THSD7A: variants seen among roughly 807,000 people sequenced by gnomAD.
THSD7A encodes thrombospondin type-1 domain-containing protein 7A.
A neutral mutation model predicts 231.3 loss-of-function variants in THSD7A; 96 were observed. That is an observed-to-expected ratio of 0.41 (90% CI 0.35 to 0.49). The LOEUF (loss-of-function observed/expected upper bound fraction) is 0.49, where lower values mean the gene tolerates loss of function less well. Ranked by LOEUF, THSD7A falls within the 20% of genes least tolerant of loss-of-function variation. THSD7A has a pLI of 0.05. For missense variants in THSD7A, 2,290 were observed against 2,070.2 expected, an observed-to-expected ratio of 1.11 and a Z score of -2.06; for synonymous variants, 940 against 743.3, an observed-to-expected ratio of 1.26 and a Z score of -4.30.
At chr7:11,762,820 G>A (rs1000760994) in intron 1 of THSD7A, among the ~76,000 whole-genome samples, 3 of 151,678 alleles carry the variant, frequency 2.0e-5, no homozygotes, top group East Asian at 1.9e-4. Flanking sequence ...ACAAACAAAC[G>A]GAAAAACATT....
chr7:11,498,648 C>A (rs1429027318), intron 6 of THSD7A, among the ~76,000 whole-genome samples: 1 of 152,086 alleles, frequency 6.6e-6, no homozygotes, highest in East Asian at 1.9e-4. Flanking sequence ...CTTTTTAAAG[C>A]AGGTCCTCAT....
chr7:11,800,120 A>G (rs571675564), intron 1 of THSD7A, among the ~76,000 whole-genome samples: 1 of 152,288 alleles, frequency 6.6e-6, no homozygotes, highest in South Asian at 2.1e-4. Context: ...GGAGTCGAGC[A>G]CTTGAGACCA....
At chr7:11,599,240 C>T (rs554152948) in intron 2 of THSD7A, among the ~76,000 whole-genome samples, 1 of 152,220 alleles carries the variant, frequency 6.6e-6, no homozygotes, top group South Asian at 2.1e-4. Flanking sequence ...CAAATCCAGG[C>T]AGGACTACAA....
chr7:11,533,378 G>A lies in THSD7A; in HGVS notation c.1822+8041C>T, dbSNP rs139437745. On this transcript the variant is annotated intron_variant, in intron 6 of 27. Transcript: ENST00000423059. The stretch of plus-strand genomic sequence containing the variant: ...AGTGGACTAGGAAACGATTCCCAGA[G>A]AACAAAAGTAGAGCCTAATCAAGGA... 6.0e-3 allele frequency among the ~76,000 whole-genome samples: 907 copies of A among 152,234 alleles called. 12 individuals are homozygous for A. The highest frequency in any genetic ancestry group is 0.021 in the African/African-American group (866 of 41,546).
intron 1 of THSD7A, among the ~76,000 whole-genome samples, chr7:11,658,776 G>T (rs987818270): frequency 6.6e-6 from 1 of 151,676 alleles, no homozygotes; most frequent in Non-Finnish European, 1.5e-5. Context: ...TAAAGCAGAG[G>T]CTACTAGTGT....
intron 24 of THSD7A, 91 bp from the exon 25 acceptor site, chr7:11,379,803 C>T (rs1316782307): frequency 7.3e-7 from 1 of 1,364,758 alleles, no homozygotes; most frequent in African/African-American, 1.4e-5. Context: ...GAATCTTGAA[C>T]CACCTTGGGA....
intron 4 of THSD7A, among the ~76,000 whole-genome samples, chr7:11,565,011 G>A (rs1790245902): frequency 6.6e-6 from 1 of 152,110 alleles, no homozygotes; most frequent in Non-Finnish European, 1.5e-5. Context: ...TGTACCATCT[G>A]TTGCAACACT....
rs201800881 is a variant in THSD7A, at chr7:11,423,019, G to GA, written c.3383+1676dup. ...TTAAGGTAATATTTTTTATTTTGAA[G>GA]AAAAAAAATAATTTGAAAGGAGAAT... On this transcript the variant is annotated intron_variant, in intron 16 of 27. Transcript: ENST00000423059. Among the ~76,000 whole-genome samples the GA allele has an allele frequency of 9.8e-4, 149 of 151,566 alleles. 4 individuals are homozygous for GA. The East Asian group carries it at 0.02, about 20-fold the overall frequency.
At chr7:11,400,769 G>C (rs577752781) in intron 23 of THSD7A, among the ~76,000 whole-genome samples, 74 of 152,234 alleles carry the variant, frequency 4.9e-4, no homozygotes, top group African/African-American at 1.7e-3. Flanking sequence ...AACACTTTAA[G>C]CTTTTGTCTC....
intron 23 of THSD7A, among the ~76,000 whole-genome samples, chr7:11,391,331 C>G (rs558919249): frequency 1.3e-4 from 20 of 152,342 alleles, no homozygotes; most frequent in African/African-American, 4.8e-4. Flanking sequence ...GGTCTGGCCA[C>G]AGCAGACTTG....
At chr7:11,657,087 T>C (rs1449721135) in intron 1 of THSD7A, among the ~76,000 whole-genome samples, 2 of 151,816 alleles carry the variant, frequency 1.3e-5, no homozygotes, top group Non-Finnish European at 2.9e-5. Context: ...CTTAGCAATG[T>C]AGCCTTAAAA....
chr7:11,621,035 G>C (rs1781290234), intron 2 of THSD7A, among the ~76,000 whole-genome samples: 1 of 152,158 alleles, frequency 6.6e-6, no homozygotes, highest in Non-Finnish European at 1.5e-5. Flanking sequence ...TATGTCACCA[G>C]TGCACTTTTA....
intron 23 of THSD7A, among the ~76,000 whole-genome samples, chr7:11,386,724 A>G (rs963569827): frequency 1.3e-5 from 2 of 151,998 alleles, no homozygotes; most frequent in Non-Finnish European, 2.9e-5. Flanking sequence ...ATTAGATCCC[A>G]TTTGTCAATT....
chr7:11,780,997 CAAAAAAAAAAAAAAAAAAAAAAAAAA>C (rs58931693), intron 1 of THSD7A, among the ~76,000 whole-genome samples: 14 of 34,448 alleles, frequency 4.1e-4, no homozygotes, highest in Middle Eastern at 0.033. Flanking sequence ...GACTCCGTCT[CAAAAAAAAAAAAAAAAAAAAAAAAAA>C]AAAAAAAAAA....
At chr7:11,809,533 G>A (rs1784476513) in intron 1 of THSD7A, among the ~76,000 whole-genome samples, 1 of 152,132 alleles carries the variant, frequency 6.6e-6, no homozygotes, top group South Asian at 2.1e-4. Flanking sequence ...ATTGCAGGAA[G>A]ATTTTCATAG....
chr7:11,505,297 G>A (rs1042783988), intron 6 of THSD7A, among the ~76,000 whole-genome samples: 1 of 151,866 alleles, frequency 6.6e-6, no homozygotes. Context: ...GTTTTACAAG[G>A]GCTACTAACT....
At chr7:11,664,612 C>G (rs1037866832) in intron 1 of THSD7A, among the ~76,000 whole-genome samples, 2 of 151,940 alleles carry the variant, frequency 1.3e-5, no homozygotes, top group Admixed American at 6.6e-5. Flanking sequence ...ACCATAATAT[C>G]ATTGTAATCA....
intron 13 of THSD7A, among the ~76,000 whole-genome samples, chr7:11,436,484 T>A (rs1320669820): frequency 6.6e-6 from 1 of 152,016 alleles, no homozygotes; most frequent in Non-Finnish European, 1.5e-5. Flanking sequence ...ACCCTGGACT[T>A]TTCCCTTTTG....
intron 23 of THSD7A, among the ~76,000 whole-genome samples, chr7:11,398,008 T>TAGAACCAGGAACAC (rs1783254717): frequency 1.0e-4 from 15 of 148,916 alleles, no homozygotes; most frequent in Non-Finnish European, 2.1e-4. Flanking sequence ...CAATGGTGAT[T>TAGAACCAGGAACAC]CATTGGACCC....
Sources: gnomAD v4.1 joint callset for allele counts (sites outside exome capture counted in the v4.1 genomes callset) on GRCh38, gnomAD v4.1.1 for gene constraint, MANE v1.5 for transcripts, NCBI Gene and HGNC (gene_info 2026-07-23, HGNC 2026-07-21) for gene names.